The following PLCG1 variants were observed in gnomAD, a reference collection of about 807,000 sequenced individuals.
PLCG1 encodes phospholipase C gamma 1, also known as 1-phosphatidylinositol 4,5-bisphosphate phosphodiesterase gamma-1.
A neutral mutation model predicts 177.8 loss-of-function variants in PLCG1; 71 were observed. That is an observed-to-expected ratio of 0.40 (90% CI 0.33 to 0.49). PLCG1 has a LOEUF of 0.49. Ranked by LOEUF, PLCG1 falls within the 20% of genes least tolerant of loss-of-function variation. The probability of loss-of-function intolerance (pLI) is 0.72; values close to 1 mark genes in which losing one functional copy is unlikely to be tolerated. For synonymous variants in PLCG1, 658 were observed against 647.9 expected (o/e 1.02, Z -0.24); for missense variants, 1,281 against 1,709.0 (o/e 0.75, Z 4.42).
rs754446070 is a variant in PLCG1, at chr20:41,172,912, AG to A, written c.3279+39del. 6.2e-7 allele frequency: 1 copy of A among 1,603,522 alleles called. No individual in the cohort carries two copies. Among genetic ancestry groups the A allele is most frequent in the East Asian group, 2.2e-5 (1 of 44,610 alleles). ...GCTCATCTGGGCTTCAGGGTAGGAAAGGGGCTGCTTGCCGTTGGAGTCTGTT... is the reference window on the plus strand; with the variant it reads ...GCTCATCTGGGCTTCAGGGTAGGAAAGGGCTGCTTGCCGTTGGAGTCTGTT... On this transcript the variant is annotated intron_variant, in intron 27 of 31. Coordinates refer to ENST00000685551, the MANE Select transcript of PLCG1 (RefSeq NM_002660.3). The surrounding 1 kb of genome is among the most constrained non-coding windows in gnomAD (Gnocchi z 7.0).
chr20:41,152,705 G>C (rs1253964922), intron 1 of PLCG1, among the ~76,000 whole-genome samples: 1 of 152,266 alleles, frequency 6.6e-6, no homozygotes, highest in Non-Finnish European at 1.5e-5. Flanking sequence ...GTGTTGGACT[G>C]GTAGGGAATG....
At position 41,173,235 on chromosome 20, in the gene PLCG1, T is replaced by TA. The variant is rs2146064748; in HGVS notation, c.3280-184dup. Among the ~76,000 whole-genome samples the TA allele has an allele frequency of 6.6e-6, 1 of 152,278 alleles. No individual in the cohort carries two copies. The highest frequency in any genetic ancestry group is 2.1e-4 in the South Asian group (1 of 4,824). Reference sequence around the variant, plus strand: ...GCTAAAGCTCAGACTTCAGATAAACTACAGGCAGCAGCTGCTCTGGACAGC... The same window carrying TA: ...GCTAAAGCTCAGACTTCAGATAAACTAACAGGCAGCAGCTGCTCTGGACAGC... On this transcript the variant is annotated intron_variant, in intron 27 of 31. Coordinates refer to ENST00000685551, the MANE Select transcript of PLCG1 (RefSeq NM_002660.3). The surrounding 1 kb of genome is among the most constrained non-coding windows in gnomAD (Gnocchi z 6.2).
chr20:41,148,098 T>C lies in PLCG1; in HGVS notation c.217+10240T>C, dbSNP rs1021636286. The stretch of plus-strand genomic sequence containing the variant: ...CCTAGTGGGTTCTGCTGAAGCAGGA[T>C]GTCTCAGCAAGCAGGCCTCTGACCT... On this transcript the variant is annotated intron_variant, in intron 1 of 31. Transcript: ENST00000685551. This position sits in a 1 kb window ranked among gnomAD's most constrained non-coding sequence, Gnocchi z 4.3. Among the ~76,000 whole-genome samples, 3 of 152,238 alleles carry C rather than the reference T, an allele frequency of 2.0e-5. No homozygotes were observed. The highest frequency in any genetic ancestry group is 1.3e-4 in the Admixed American group (2 of 15,298).
In PLCG1 at chr20:41,165,029, C is replaced by T. The variant is rs773954894; in HGVS notation, c.1314C>T (p.Leu438=). 19 of 1,614,102 alleles carry T rather than the reference C, an allele frequency of 1.2e-5. No individual in the cohort carries two copies. Among genetic ancestry groups the T allele is most frequent in the East Asian group, 1.1e-4 (5 of 44,908 alleles). ...YFKKVLGDTL[L]TKPVEISADG... Reference sequence around the variant, plus strand: ...AGAAGGTGCTGGGGGACACACTCCTCACCAAGCCCGTGGAGATCTCTGCCG... The same window carrying T: ...AGAAGGTGCTGGGGGACACACTCCTTACCAAGCCCGTGGAGATCTCTGCCG... The change falls in exon 13 of 32, where the codon CTC becomes CTT. Residue 438 remains leucine (L), a synonymous_variant. Coordinates refer to ENST00000685551, the MANE Select transcript of PLCG1 (RefSeq NM_002660.3). This position sits in a 1 kb window ranked among gnomAD's most constrained non-coding sequence, Gnocchi z 6.6.
At chr20:41,138,166 A>T (rs2034671699) in intron 1 of PLCG1, among the ~76,000 whole-genome samples, 1 of 151,876 alleles carries the variant, frequency 6.6e-6, no homozygotes, top group Admixed American at 6.5e-5. Flanking sequence ...GGCCCCCCAG[A>T]CCCTGGGAGT....
At position 41,151,171 on chromosome 20, in the gene PLCG1, G is replaced by GGGAA. The variant is rs2035155081; in HGVS notation, c.218-8433_218-8430dup. ...TAGGTGAGATTAATTTAGAGTCCTA[G>GGGAA]GGAAGAGGGCTGCCTGCCTGGATGG... On this transcript the variant is annotated intron_variant, in intron 1 of 31. Coordinates refer to ENST00000685551, the MANE Select transcript of PLCG1 (RefSeq NM_002660.3). This position sits in a 1 kb window ranked among gnomAD's most constrained non-coding sequence, Gnocchi z 5.5. Among the ~76,000 whole-genome samples, 1 of 152,148 alleles carries GGGAA rather than the reference G, an allele frequency of 6.6e-6. No individual in the cohort carries two copies. Among genetic ancestry groups the GGGAA allele is most frequent in the South Asian group, 2.1e-4 (1 of 4,828 alleles).
chr20:41,173,077 C>CTTGTTCTGATGACTTGTT lies in PLCG1; in HGVS notation c.3279+213_3279+230dup, dbSNP rs1386214102. On this transcript the variant is annotated intron_variant, in intron 27 of 31. Coordinates refer to ENST00000685551, the MANE Select transcript of PLCG1 (RefSeq NM_002660.3). The surrounding 1 kb of genome is among the most constrained non-coding windows in gnomAD (Gnocchi z 6.2). ...TAGGACGTGCAGAGCCATGGTGTGA[C>CTTGTTCTGATGACTTGTT]TTGTTCTGATGACTTGTTTTGTTCT... Among the ~76,000 whole-genome samples the CTTGTTCTGATGACTTGTT allele has an allele frequency of 6.6e-6, 1 of 152,170 alleles. No individual in the cohort carries two copies. The highest frequency in any genetic ancestry group is 2.4e-5 in the African/African-American group (1 of 41,432).
rs556000178 is a variant in PLCG1, at chr20:41,158,917, A to C, written c.218-689A>C. ...AGTGGCTGAGGGCAGGTCATCTGCT[A>C]TTCAAGCCCGTGTACCTCTCTGACT... On this transcript the variant is annotated intron_variant, in intron 1 of 31. Coordinates refer to ENST00000685551, the MANE Select transcript of PLCG1 (RefSeq NM_002660.3). Among the ~76,000 whole-genome samples the C allele has an allele frequency of 2.0e-5, 3 of 152,362 alleles. No individual in the cohort carries two copies. In the South Asian group the frequency reaches 6.2e-4, roughly 32 times the overall value.
chr20:41,161,855 T>TTG (rs1295966882), intron 4 of PLCG1, among the ~76,000 whole-genome samples: 1 of 152,076 alleles, frequency 6.6e-6, no homozygotes, highest in African/African-American at 2.4e-5. Context: ...GGGCGCTTGT[T>TTG]CTCTCAGTTT....
rs1397299501 is a variant in PLCG1 at position 41,150,492 on chromosome 20, G to A, written c.218-9114G>A. 2.6e-5 allele frequency among the ~76,000 whole-genome samples: 4 copies of A among 152,090 alleles called. No homozygotes were observed. Among genetic ancestry groups the A allele is most frequent in the Non-Finnish European group, 4.4e-5 (3 of 68,012 alleles). On this transcript the variant is annotated intron_variant, in intron 1 of 31. Transcript: ENST00000685551. This position sits in a 1 kb window ranked among gnomAD's most constrained non-coding sequence, Gnocchi z 4.0. Reference sequence around the variant, plus strand: ...GAGCCTGGCATACACAGGCCATCTAGAAAGAACTTAGGCAGCATCAGTCTG... The same window carrying A: ...GAGCCTGGCATACACAGGCCATCTAAAAAGAACTTAGGCAGCATCAGTCTG...
Position 41,167,544 on chromosome 20 carries a change from A to C in PLCG1, c.2302-308A>C. On this transcript the variant is annotated intron_variant, in intron 19 of 31. Transcript: ENST00000685551. The surrounding 1 kb of genome is among the most constrained non-coding windows in gnomAD (Gnocchi z 4.4). ...ACAAGCCACTGAACTAAAGCACTGAATATGGGTAGTCTGTGAAGGGCCCAC... is the reference window on the plus strand; with the variant it reads ...ACAAGCCACTGAACTAAAGCACTGACTATGGGTAGTCTGTGAAGGGCCCAC... 1 of 369,958 alleles carries C rather than the reference A, an allele frequency of 2.7e-6. No homozygotes were observed. The highest frequency in any genetic ancestry group is 8.1e-4 in the Middle Eastern group (1 of 1,240). 22.9% of individuals were successfully genotyped at this position (369,958 alleles called of 1,614,324 possible).
rs182081823 is a variant in PLCG1, at chr20:41,160,552, T to C, written c.512+399T>C. On this transcript the variant is annotated intron_variant, in intron 4 of 31. Transcript: ENST00000685551. This position sits in a 1 kb window ranked among gnomAD's most constrained non-coding sequence, Gnocchi z 5.5. ...ACCAGATAGTGTGGGTGCTGCACCA[T>C]GGTGAGGTCCTTTGACCTGAAAGAA... Among the ~76,000 whole-genome samples the C allele has an allele frequency of 6.9e-4, 105 of 152,194 alleles. No homozygotes were observed. Among genetic ancestry groups the C allele is most frequent in the African/African-American group, 2.4e-3 (101 of 41,524 alleles).
Position 41,137,552 on chromosome 20 carries a change from C to G in PLCG1, c.-90C>G. On this transcript the variant is annotated 5_prime_UTR_variant, in exon 1 of 32. Coordinates refer to ENST00000685551, the MANE Select transcript of PLCG1 (RefSeq NM_002660.3). This position sits in a 1 kb window ranked among gnomAD's most constrained non-coding sequence, Gnocchi z 7.3. ...CCGCCGGGTCCCGCTCGTCTGCCGC[C>G]TCAGCCTCAGCCCCAACCTCAGCCG... The G allele has an allele frequency of 1.4e-6, 1 of 709,166 alleles. No individual in the cohort carries two copies. The allele number at this position is 709,166 out of a possible 1,614,324, so 43.9% of individuals were successfully genotyped here.
rs367859184 is a variant in PLCG1 at position 41,173,791 on chromosome 20, C to T, written c.3534C>T (p.Phe1178=). 10 of 1,613,858 alleles carry T rather than the reference C, an allele frequency of 6.2e-6. No individual in the cohort carries two copies. The African/African-American group carries it at 1.1e-4, about 17-fold the overall frequency. Residue 1178 remains phenylalanine, a synonymous_variant, in exon 29 of 32, where the codon TTC becomes TTT. Transcript: ENST00000685551. The surrounding 1 kb of genome is among the most constrained non-coding windows in gnomAD (Gnocchi z 6.2). The part of the protein sequence containing the change: ...SDQNFLAQAT[F]PVKGLKTGYR... ...AGAATTTCCTGGCTCAGGCTACTTT[C>T]CCAGTAAAAGGCCTGAAGACAGGTG...
At chr20:41,161,072 G>A (rs576152198) in intron 4 of PLCG1, among the ~76,000 whole-genome samples, 1 of 152,240 alleles carries the variant, frequency 6.6e-6, no homozygotes, top group South Asian at 2.1e-4. Flanking sequence ...AACACTGAAA[G>A]CCACAGGGCT....
At chr20:41,168,063 G>A (rs1190552625) in intron 20 of PLCG1, 134 bp downstream of exon 20, 2 of 689,476 alleles carry the variant, frequency 2.9e-6, no homozygotes, top group East Asian at 5.4e-5. Flanking sequence ...CCAAGAGGTT[G>A]TGAGAGATGT....
At position 41,163,645 on chromosome 20, in the gene PLCG1, C is replaced by T. The variant is rs1032538369; in HGVS notation, c.892-70C>T. 2 of 1,193,292 alleles carry T rather than the reference C, an allele frequency of 1.7e-6. No homozygotes were observed. The highest frequency in any genetic ancestry group is 1.7e-5 in the Admixed American group (1 of 59,272). 73.9% of individuals were successfully genotyped at this position (1,193,292 alleles called of 1,614,324 possible). A position where few individuals can be genotyped will look rare whatever the true frequency, so the allele number is the denominator to read the frequency against. ...GGACAGAGCACTCTCTCTCCTACCC[C>T]CAACCTACCATCTTGGGTTGGACAG... On this transcript the variant is annotated intron_variant, in intron 9 of 31. Coordinates refer to ENST00000685551, the MANE Select transcript of PLCG1 (RefSeq NM_002660.3). This position sits in a 1 kb window ranked among gnomAD's most constrained non-coding sequence, Gnocchi z 5.2.
At chr20:41,169,690 C>T (rs2035830849) in intron 23 of PLCG1, 164 bp downstream of exon 23, 3 of 633,122 alleles carry the variant, frequency 4.7e-6, no homozygotes, top group Non-Finnish European at 8.5e-6. Flanking sequence ...CCTGGGCTCC[C>T]TTTGTCACTG....
At position 41,169,039 on chromosome 20, in the gene PLCG1, G is replaced by C. The variant is rs375068631; in HGVS notation, c.2484-40G>C. 4.7e-5 allele frequency: 70 copies of C among 1,490,694 alleles called. No homozygotes were observed. The Middle Eastern group carries it at 6.8e-4, about 15-fold the overall frequency. 92.3% of individuals were successfully genotyped at this position (1,490,694 alleles called of 1,614,324 possible). A position where few individuals can be genotyped will look rare whatever the true frequency, so the allele number is the denominator to read the frequency against. On this transcript the variant is annotated intron_variant, in intron 21 of 31. Coordinates refer to ENST00000685551, the MANE Select transcript of PLCG1 (RefSeq NM_002660.3). ...AAGGATACCCTCCTCATGGGAGTTC[G>C]GGGTGGTTGCTGGAGGTCAGCACCC...
Sources: gnomAD v4.1 joint callset for allele counts (sites outside exome capture counted in the v4.1 genomes callset) on GRCh38, gnomAD v4.1.1 for gene constraint, Gnocchi (gnomAD v3.1) non-coding constraint, MANE v1.5 for transcripts, NCBI Gene and HGNC (gene_info 2026-07-23, HGNC 2026-07-21) for gene names.